PIGN: variants seen among roughly 807,000 people sequenced by gnomAD.
PIGN encodes GPI ethanolamine phosphate transferase 1.
In PIGN, 117 loss-of-function variants were observed where a neutral mutation model predicts 125.4. The observed-to-expected ratio is 0.93, with a 90% CI of 0.80 to 1.09. The LOEUF is 1.09. Ranked by LOEUF, PIGN falls within the 50% of genes least tolerant of loss-of-function variation. PIGN has a pLI of 0.00. For synonymous variants in PIGN, 392 were observed against 377.8 expected (o/e 1.04, Z -0.44); for missense variants, 1,075 against 1,094.9 (o/e 0.98, Z 0.26).
intron 1 of PIGN, among the ~76,000 whole-genome samples, chr18:62,168,807 T>C (rs17716405): frequency 0.58 from 87,642 of 150,666 alleles, 26,294 homozygotes; most frequent in East Asian, 0.78. Context: ...AGTTTTCTTA[T>C]GAGTCTTTGT....
rs2030407894 is a variant in PIGN at position 62,042,287 on chromosome 18, T to C, written c.*3569A>G. Reference sequence around the variant, plus strand: ...AGTGAGCTGACATTGCGCCACTGCATTCCAGCCTTGGCGAGAGAGCCAGAG... The same window carrying C: ...AGTGAGCTGACATTGCGCCACTGCACTCCAGCCTTGGCGAGAGAGCCAGAG... On this transcript the variant is annotated 3_prime_UTR_variant, in exon 31 of 31. Coordinates refer to ENST00000640252, the MANE Select transcript of PIGN (RefSeq NM_176787.5). The C allele has an allele frequency of 6.6e-6, 1 of 152,078 alleles. No individual in the cohort carries two copies. 9.4% of individuals were successfully genotyped at this position (152,078 alleles called of 1,614,324 possible). A position where few individuals can be genotyped will look rare whatever the true frequency, so the allele number is the denominator to read the frequency against.
At chr18:62,020,818 G>A (rs4410185) in intron 23 of PIGN, among the ~76,000 whole-genome samples, 3,178 of 151,742 alleles carry the variant, frequency 0.021, 109 homozygotes, top group African/African-American at 0.073. Flanking sequence ...AAAATTAGCC[G>A]GGCGTGGTAG....
chr18:62,063,263 AGCCAAAATC>A lies in PIGN; in HGVS notation c.2672+9401_2672+9409del, dbSNP rs1363239271. Among the ~76,000 whole-genome samples the A allele has an allele frequency of 1.1e-3, 162 of 149,066 alleles. 7 individuals carry two copies. The highest frequency in any genetic ancestry group is 2.4e-3 in the African/African-American group (95 of 40,222). On this transcript the variant is annotated intron_variant, in intron 30 of 30. Coordinates refer to ENST00000640252, the MANE Select transcript of PIGN (RefSeq NM_176787.5). ...CAAAATCTATGGTTTTATAGATTTT[AGCCAAAATC>A]TATGGTTTTATAGATTTTAGCCAAA...
intron 1 of PIGN, among the ~76,000 whole-genome samples, chr18:62,179,284 TC>T (rs144201128): frequency 6.6e-6 from 1 of 152,126 alleles, no homozygotes; most frequent in Non-Finnish European, 1.5e-5. Flanking sequence ...ATGTAAATGT[TC>T]CCCCATTTCA....
chr18:62,061,927 C>T (rs957375383), intron 30 of PIGN, among the ~76,000 whole-genome samples: 2 of 152,150 alleles, frequency 1.3e-5, no homozygotes, highest in Non-Finnish European at 2.9e-5. Context: ...CCCCCTACTT[C>T]CCCACCATTA....
intron 22 of PIGN, among the ~76,000 whole-genome samples, chr18:62,100,488 T>G (rs1599519275): frequency 6.6e-6 from 1 of 152,210 alleles, no homozygotes; most frequent in Admixed American, 6.5e-5. Context: ...TTACAAAGTG[T>G]CTTTTCTGAA....
At position 62,084,590 on chromosome 18, in the gene PIGN, C is replaced by G; in HGVS notation, c.2443G>C (p.Val815Leu). The G allele has an allele frequency of 1.3e-6, 2 of 1,555,650 alleles. No individual in the cohort carries two copies. The highest frequency in any genetic ancestry group is 1.7e-6 in the Non-Finnish European group (2 of 1,147,244). Residue 815 changes from valine to leucine, a missense_variant, in exon 27 of 31, where the codon GTC becomes CTC. Physicochemically the swap from Val to Leu is conservative, Grantham distance 32 (BLOSUM62 1). Around this residue, in one of 3 missense-constraint regions of PIGN, gnomAD observed 915 missense variants for 908.7 expected, o/e 1.01. Coordinates refer to ENST00000640252, the MANE Select transcript of PIGN (RefSeq NM_176787.5). ...CTGAACACAGTCAGAAAGCAATAGA[C>G]AGAGGCAAGATCAAAGCTAGGGAAT... ...ASINSFDLAS[V>L]YCFLTVFSPF... is the part of the protein sequence containing the mutation.
At position 62,161,309 on chromosome 18, in the gene PIGN, G is replaced by C. The variant is rs572483363; in HGVS notation, c.45C>G (p.Phe15Leu). The C allele has an allele frequency of 1.2e-6, 2 of 1,613,510 alleles. No individual in the cohort carries two copies. The highest frequency in any genetic ancestry group is 2.2e-5 in the South Asian group (2 of 90,984). ...AATAAATGTCAAAGATGGAGGCGAA[G>C]AACACAAAATGTATAAGCAATCCCA... ...FTLGLLIHFV[F>L]FASIFDIYFT... Residue 15 changes from phenylalanine (F) to leucine (L), a missense_variant, in exon 4 of 31, where the codon TTC becomes TTG. Physicochemically the swap from Phe to Leu is conservative, Grantham distance 22 (BLOSUM62 0). This residue lies in a region of PIGN where 152 missense variants were observed against 162.9 expected (regional missense o/e 0.93). Transcript: ENST00000640252.
chr18:62,085,039 C>T (rs1317839067), intron 26 of PIGN, among the ~76,000 whole-genome samples, 170 bp downstream of exon 26: 1 of 150,060 alleles, frequency 6.7e-6, no homozygotes, highest in Non-Finnish European at 1.5e-5. Flanking sequence ...ACCTGGGAGG[C>T]AGAGGTTGCA....
chr18:62,090,411 C>T, intron 24 of PIGN, 65 bp downstream of exon 24: 1 of 851,520 alleles, frequency 1.2e-6, no homozygotes, highest in South Asian at 1.9e-5. Flanking sequence ...AATAATATTG[C>T]AACTTCCTTA....
intron 28 of PIGN, among the ~76,000 whole-genome samples, chr18:62,077,195 T>C (rs2033216128): frequency 6.6e-6 from 1 of 152,124 alleles, no homozygotes; most frequent in South Asian, 2.1e-4. Context: ...CTGGCCAACA[T>C]GGCGAAAACC....
At chr18:62,173,904 T>C (rs2037425315) in intron 1 of PIGN, among the ~76,000 whole-genome samples, 1 of 152,170 alleles carries the variant, frequency 6.6e-6, no homozygotes, top group African/African-American at 2.4e-5. Flanking sequence ...AAGCCTTCCA[T>C]AATTTCACTA....
At chr18:62,066,409 T>C (rs2032523863) in intron 30 of PIGN, among the ~76,000 whole-genome samples, 1 of 152,238 alleles carries the variant, frequency 6.6e-6, no homozygotes, top group East Asian at 1.9e-4. Flanking sequence ...CGATAGTATC[T>C]ACTTTACAGT....
chr18:62,082,618 C>T (rs2033500408), intron 28 of PIGN, 55 bp downstream of exon 28: 3 of 899,528 alleles, frequency 3.3e-6, no homozygotes, highest in East Asian at 2.7e-5. Flanking sequence ...CGAAAGTTTA[C>T]TCTCATCTCC....
intron 4 of PIGN, among the ~76,000 whole-genome samples, chr18:62,159,362 A>G (rs760671286): frequency 2.0e-5 from 3 of 152,098 alleles, no homozygotes; most frequent in Non-Finnish European, 4.4e-5. Context: ...TTGAGCCCAC[A>G]GAGCTTCCGT....
intron 15 of PIGN, 53 bp from the exon 16 acceptor site, chr18:62,113,369 C>T (rs1265865829): frequency 7.2e-7 from 1 of 1,394,226 alleles, no homozygotes; most frequent in Non-Finnish European, 9.7e-7. Flanking sequence ...AGAAAACCTA[C>T]ATTTTAAAGA....
chr18:62,065,718 A>G (rs2032478593), intron 30 of PIGN, among the ~76,000 whole-genome samples: 1 of 152,164 alleles, frequency 6.6e-6, no homozygotes, highest in Non-Finnish European at 1.5e-5. Context: ...CCTGGGTGAC[A>G]GAGCGAGACT....
chr18:62,074,984 T>C, intron 28 of PIGN, 163 bp from the exon 29 acceptor site: 2 of 536,356 alleles, frequency 3.7e-6, no homozygotes, highest in Non-Finnish European at 6.7e-6. Context: ...TGGGTGACCA[T>C]ACCATAGAGA....
intron 1 of PIGN, among the ~76,000 whole-genome samples, chr18:62,183,069 T>C (rs1262034951): frequency 6.6e-6 from 1 of 152,328 alleles, no homozygotes; most frequent in East Asian, 1.9e-4. Flanking sequence ...TATTGTATTC[T>C]TGAAAACTGC....
Sources: gnomAD v4.1 joint callset for allele counts (sites outside exome capture counted in the v4.1 genomes callset) on GRCh38, gnomAD v4.1.1 for gene constraint, gnomAD v4.1.1 regional missense constraint, MANE v1.5 for transcripts, NCBI Gene and HGNC (gene_info 2026-07-23, HGNC 2026-07-21) for gene names.